The following DPP6 variants were observed in gnomAD, a reference collection of about 807,000 sequenced individuals.
DPP6 encodes dipeptidyl peptidase like 6, also known as A-type potassium channel modulatory protein DPP6.
A neutral mutation model predicts 122.6 loss-of-function variants in DPP6; 69 were observed. The ratio of observed to expected loss-of-function variants is 0.56; its 90% CI spans 0.46 to 0.69. DPP6 has a LOEUF of 0.69. DPP6 is among the 30% of genes least tolerant of loss of function. The pLI, the probability that DPP6 is intolerant of heterozygous loss-of-function variation, is 0.00. For synonymous variants in DPP6, 418 were observed against 433.1 expected (o/e 0.97, Z 0.43); for missense variants, 928 against 1,116.9 (o/e 0.83, Z 2.41).
chr7:153,783,879 G>A, the DPP6 span, among the ~76,000 whole-genome samples: 2 of 152,172 alleles, frequency 1.3e-5, no homozygotes, highest in African/African-American at 2.4e-5. Flanking sequence ...GATGTTAATC[G>A]AAGTAGACTG....
the DPP6 span, among the ~76,000 whole-genome samples, chr7:153,813,776 G>C: frequency 6.6e-6 from 1 of 151,788 alleles, no homozygotes. Flanking sequence ...CTGATGGCCA[G>C]TGATGGTGAG....
the DPP6 span, among the ~76,000 whole-genome samples, chr7:153,873,686 G>T: frequency 1.3e-5 from 2 of 152,212 alleles, no homozygotes; most frequent in Non-Finnish European, 2.9e-5. Context: ...GCAGGGACCA[G>T]TGATGGGGAG....
rs905609220 is a variant in DPP6 at position 154,385,511 on chromosome 7, TTTTA to T, written c.244-60686_244-60683del. 2.6e-5 allele frequency among the ~76,000 whole-genome samples: 4 copies of T among 152,136 alleles called. No homozygotes were observed. The South Asian group carries it at 6.2e-4, about 24-fold the overall frequency. On this transcript the variant is annotated intron_variant, in intron 1 of 25. Coordinates refer to ENST00000377770, the MANE Select transcript of DPP6 (RefSeq NM_130797.4). ...CTCATCTGTCAATCAAGATGCTAAATTTTATTTATTTATTTATTTAGAGACTGGC... is the reference window on the plus strand; with the variant it reads ...CTCATCTGTCAATCAAGATGCTAAATTTTATTTATTTATTTAGAGACTGGC...
At chr7:154,162,980 C>T (rs1384208347) in intron 1 of DPP6, among the ~76,000 whole-genome samples, 6 of 151,194 alleles carry the variant, frequency 4.0e-5, no homozygotes, top group East Asian at 2.0e-4. Context: ...ATCTGTGCAT[C>T]GCTAGGGTCG....
intron 3 of DPP6, among the ~76,000 whole-genome samples, chr7:154,482,922 T>A (rs1339152057): frequency 2.0e-5 from 3 of 151,978 alleles, no homozygotes; most frequent in African/African-American, 7.3e-5. Flanking sequence ...TGACAGGGAG[T>A]CAGTTTCTGT....
At chr7:154,686,936 T>C (rs1053508812) in intron 7 of DPP6, among the ~76,000 whole-genome samples, 4 of 152,212 alleles carry the variant, frequency 2.6e-5, no homozygotes, top group Non-Finnish European at 5.9e-5. Context: ...TCCACCGGGT[T>C]CCGGGTCCCT....
chr7:154,116,100 A>G (rs1342767381), intron 1 of DPP6, among the ~76,000 whole-genome samples: 2 of 150,908 alleles, frequency 1.3e-5, no homozygotes, highest in East Asian at 2.0e-4. Context: ...CATCATATTT[A>G]TATATGGTGT....
intron 7 of DPP6, among the ~76,000 whole-genome samples, chr7:154,715,618 T>C (rs1209349893): frequency 1.3e-5 from 2 of 152,208 alleles, no homozygotes; most frequent in Non-Finnish European, 2.9e-5. Flanking sequence ...GTGAGGAACT[T>C]CAGTGTGAGT....
At chr7:154,862,839 A>C (rs147445914) in intron 17 of DPP6, among the ~76,000 whole-genome samples, 1 of 152,270 alleles carries the variant, frequency 6.6e-6, no homozygotes, top group African/African-American at 2.4e-5. Flanking sequence ...GGAGGAAAAA[A>C]GATATGGCAA....
At chr7:154,815,264 G>C (rs1010186646) in intron 16 of DPP6, among the ~76,000 whole-genome samples, 5 of 152,172 alleles carry the variant, frequency 3.3e-5, no homozygotes, top group Admixed American at 3.3e-4. Context: ...TAGCATATTA[G>C]AGGAAGAAGA....
At chr7:154,505,868 T>C (rs1284419734) in intron 3 of DPP6, among the ~76,000 whole-genome samples, 2 of 152,218 alleles carry the variant, frequency 1.3e-5, no homozygotes, top group Admixed American at 6.5e-5. Flanking sequence ...GAAGTCACTA[T>C]GCATAGCCCT....
At chr7:153,977,738 G>A (rs923197808) in intron 1 of DPP6, among the ~76,000 whole-genome samples, 9 of 151,908 alleles carry the variant, frequency 5.9e-5, no homozygotes, top group Non-Finnish European at 1.2e-4. Context: ...CCCAGTGTGT[G>A]ATGTTCCCCT....
chr7:154,490,424 G>T (rs566672164), intron 3 of DPP6, among the ~76,000 whole-genome samples: 3 of 152,342 alleles, frequency 2.0e-5, no homozygotes, highest in East Asian at 3.9e-4. Context: ...CATCCTGAAG[G>T]TCACAGCAGA....
chr7:154,747,600 G>T (rs1843094551), intron 8 of DPP6, among the ~76,000 whole-genome samples: 1 of 152,164 alleles, frequency 6.6e-6, no homozygotes, highest in African/African-American at 2.4e-5. Flanking sequence ...CTAGGCACTC[G>T]CGAAGTGTAG....
intron 1 of DPP6, among the ~76,000 whole-genome samples, chr7:154,064,049 A>G (rs1418336423): frequency 1.3e-5 from 2 of 152,160 alleles, no homozygotes; most frequent in African/African-American, 4.8e-5. Context: ...CCCAGCTAGC[A>G]AGCAGAGTCC....
chr7:154,543,425 C>T (rs977755785), intron 4 of DPP6, among the ~76,000 whole-genome samples: 7 of 152,142 alleles, frequency 4.6e-5, no homozygotes, highest in Non-Finnish European at 5.9e-5. Context: ...TTTGCTCCTG[C>T]GCTTACTGTG....
chr7:153,947,774 T>C (rs895910135), intron 1 of DPP6, among the ~76,000 whole-genome samples: 1 of 152,156 alleles, frequency 6.6e-6, no homozygotes, highest in African/African-American at 2.4e-5. Context: ...TGCCTCTGCC[T>C]TTGGAGATGG....
intron 1 of DPP6, among the ~76,000 whole-genome samples, chr7:154,428,069 T>A (rs947807940): frequency 1.3e-5 from 2 of 152,224 alleles, no homozygotes; most frequent in African/African-American, 4.8e-5. Context: ...GATAGTTCTA[T>A]GTTCTAAATT....
chr7:154,839,084 T>A (rs2150545337), intron 16 of DPP6, among the ~76,000 whole-genome samples: 1 of 152,190 alleles, frequency 6.6e-6, no homozygotes, highest in Non-Finnish European at 1.5e-5. Context: ...TAAATAGTAA[T>A]AAGAACAAGA....
Sources: allele counts gnomAD v4.1 joint callset (sites outside exome capture counted in the v4.1 genomes callset), GRCh38; gene constraint gnomAD v4.1.1; transcripts MANE v1.5; gene names NCBI Gene and HGNC (gene_info 2026-07-23, HGNC 2026-07-21).